Variants in NRP2 observed in about 807,000 individuals in gnomAD.
NRP2 encodes the protein neuropilin-2.
In NRP2, 52 loss-of-function variants were observed where a neutral mutation model predicts 110.4. The observed-to-expected ratio is 0.47, with a 90% confidence interval of 0.38 to 0.59. The LOEUF (loss-of-function observed/expected upper bound fraction) is 0.59. Ranked by LOEUF, NRP2 falls within the 20% of genes least tolerant of loss-of-function variation. The pLI, the probability that NRP2 is intolerant of heterozygous loss-of-function variation, is 0.00. For missense variants in NRP2, 1,049 were observed against 1,203.0 expected (o/e 0.87, Z 1.89); for synonymous variants, 508 against 468.9 (o/e 1.08, Z -1.08).
chr2:205,716,534 G>A (rs1023903034), intron 3 of NRP2, among the ~76,000 whole-genome samples, 160 bp downstream of exon 3: 3 of 121,888 alleles, frequency 2.5e-5, no homozygotes, highest in Non-Finnish European at 4.8e-5. Flanking sequence ...GAGAAGAAGA[G>A]CCAGCTCAGA....
chr2:205,766,391 G>A (rs1030183486), intron 14 of NRP2, among the ~76,000 whole-genome samples: 2 of 152,206 alleles, frequency 1.3e-5, no homozygotes, highest in African/African-American at 4.8e-5. Flanking sequence ...CCTGGTGTGT[G>A]TGTGCTTGAT....
intron 15 of NRP2, chr2:205,767,019 T>G: frequency 1.6e-6 from 1 of 608,676 alleles, no homozygotes; most frequent in Non-Finnish European, 2.9e-6. Flanking sequence ...AATTAAAGTT[T>G]AGAAACCTAT....
chr2:205,690,570 T>A, intron 1 of NRP2, among the ~76,000 whole-genome samples: 1 of 137,700 alleles, frequency 7.3e-6, no homozygotes. Flanking sequence ...ACCCCATCCC[T>A]GCTAAAAATA....
At chr2:205,767,088 C>T in intron 15 of NRP2, 1 of 473,186 alleles carries the variant, frequency 2.1e-6, no homozygotes, top group Non-Finnish European at 3.8e-6. Flanking sequence ...CAACGGGGAG[C>T]AATGAGGCTG....
chr2:205,703,556 G>T (rs1575558898), intron 2 of NRP2, among the ~76,000 whole-genome samples: 1 of 152,184 alleles, frequency 6.6e-6, no homozygotes, highest in African/African-American at 2.4e-5. Flanking sequence ...CTCTTGTGCT[G>T]TCTGCCTCCC....
intron 15 of NRP2, among the ~76,000 whole-genome samples, chr2:205,786,926 C>T (rs572401900): frequency 3.1e-4 from 47 of 152,164 alleles, no homozygotes; most frequent in Middle Eastern, 3.4e-3. Context: ...CAGGGAGTGG[C>T]CACTCCCAGG....
intron 2 of NRP2, among the ~76,000 whole-genome samples, chr2:205,707,622 A>G (rs1385203739): frequency 2.2e-4 from 33 of 152,234 alleles, no homozygotes; most frequent in Non-Finnish European, 5.9e-5. Flanking sequence ...AAAGAGGAAT[A>G]GAAAAATGAT....
intron 15 of NRP2, among the ~76,000 whole-genome samples, chr2:205,781,185 T>C (rs1026218071): frequency 6.6e-5 from 10 of 152,248 alleles, no homozygotes; most frequent in Non-Finnish European, 1.3e-4. Flanking sequence ...ACCTTGGTTC[T>C]AGTCCCAAGA....
intron 15 of NRP2, among the ~76,000 whole-genome samples, chr2:205,791,635 G>A (rs1005891476): frequency 2.6e-5 from 4 of 152,164 alleles, no homozygotes; most frequent in East Asian, 3.8e-4. Flanking sequence ...TCTAAACCAC[G>A]AAGAAAGCTA....
intron 15 of NRP2, among the ~76,000 whole-genome samples, chr2:205,773,739 G>A (rs2058057330): frequency 6.6e-6 from 1 of 152,192 alleles, no homozygotes; most frequent in African/African-American, 2.4e-5. Flanking sequence ...TCTCCAGCCT[G>A]AGCACTTTAA....
chr2:205,744,181 G>A (rs937908209), intron 9 of NRP2, among the ~76,000 whole-genome samples: 6 of 152,226 alleles, frequency 3.9e-5, no homozygotes, highest in South Asian at 4.1e-4. Flanking sequence ...TTCAGAAACC[G>A]GAAGTCTGAC....
intron 15 of NRP2, among the ~76,000 whole-genome samples, chr2:205,775,447 C>CCT (rs1254203929): frequency 3.9e-5 from 6 of 151,956 alleles, no homozygotes; most frequent in Non-Finnish European, 2.9e-5. Flanking sequence ...GATTTCCCTC[C>CCT]CTCTCTCTCT....
chr2:205,718,809 G>A (rs902386376), intron 3 of NRP2, among the ~76,000 whole-genome samples: 1 of 152,100 alleles, frequency 6.6e-6, no homozygotes, highest in African/African-American at 2.4e-5. Context: ...GGGCATGGTG[G>A]CACGTGCCTG....
chr2:205,776,053 G>C (rs984026763), intron 15 of NRP2: 5 of 740,022 alleles, frequency 6.8e-6, no homozygotes, highest in East Asian at 5.0e-5. Context: ...TACCTCCCAA[G>C]GGGGTAAGTA....
intron 7 of NRP2, among the ~76,000 whole-genome samples, chr2:205,734,370 A>AG (rs1219445406): frequency 6.6e-6 from 1 of 151,718 alleles, no homozygotes; most frequent in East Asian, 1.9e-4. Context: ...CAACAAAAAA[A>AG]GCCCATTGCC....
chr2:205,716,919 C>T (rs1394355830), intron 3 of NRP2, among the ~76,000 whole-genome samples: 1 of 152,110 alleles, frequency 6.6e-6, no homozygotes, highest in Non-Finnish European at 1.5e-5. Context: ...CATTGAACCC[C>T]TACTCTCTAA....
Position 205,723,911 on chromosome 2 carries a change from A to T in NRP2, c.791A>T (p.Tyr264Phe). 6.2e-7 allele frequency: 1 copy of T among 1,614,158 alleles called. No individual in the cohort carries two copies. The highest frequency in any genetic ancestry group is 8.5e-7 in the Non-Finnish European group (1 of 1,180,018). Reference sequence around the variant, plus strand: ...GCCAAGGATGGCTTCTCTGCGCGTTACTACCTGGTCCACCAAGAGCCACTA... The same window carrying T: ...GCCAAGGATGGCTTCTCTGCGCGTTTCTACCTGGTCCACCAAGAGCCACTA... ...AVAKDGFSAR[Y>F]YLVHQEPLEN... The change falls in exon 5 of 17, where the codon TAC becomes TTC. Residue 264 changes from tyrosine to phenylalanine, a missense_variant. Transcript: ENST00000357785.
chr2:205,770,090 T>C (rs1376446032), intron 15 of NRP2, among the ~76,000 whole-genome samples: 2 of 152,134 alleles, frequency 1.3e-5, no homozygotes, highest in East Asian at 1.9e-4. Context: ...CCCTACCTGT[T>C]AGAGACTCAC....
Position 205,763,954 on chromosome 2 carries a change from G to A in NRP2, c.2307+18G>A, listed in dbSNP as rs1169376346. 1 of 1,613,748 alleles carries A rather than the reference G, an allele frequency of 6.2e-7. No individual in the cohort carries two copies. The highest frequency in any genetic ancestry group is 1.3e-5 in the African/African-American group (1 of 75,042). On this transcript the variant is annotated intron_variant, in intron 13 of 16. Coordinates refer to ENST00000357785, the MANE Select transcript of NRP2 (RefSeq NM_003872.3). This position sits in a 1 kb window ranked among gnomAD's most constrained non-coding sequence, Gnocchi z 4.0. ...AGTACCAGGTGGGGTGAGCAAAAAG[G>A]GAATCTTGTGATCCGTATTTCAATA... is the stretch of plus-strand genomic sequence containing the variant.
Sources: allele counts gnomAD v4.1 joint callset (sites outside exome capture counted in the v4.1 genomes callset), GRCh38; gene constraint gnomAD v4.1.1; non-coding constraint Gnocchi (gnomAD v3.1); transcripts MANE v1.5; gene names NCBI Gene and HGNC (gene_info 2026-07-23, HGNC 2026-07-21).